The following CNTNAP5 variants were observed in gnomAD, a reference collection of about 807,000 sequenced individuals.
CNTNAP5 encodes the protein contactin associated protein family member 5.
CNTNAP5 carries 72 observed loss-of-function variants against 150.2 expected under a neutral mutation model. The ratio of observed to expected loss-of-function variants is 0.48; its 90% CI spans 0.40 to 0.58. The LOEUF (loss-of-function observed/expected upper bound fraction) is 0.58, where lower values mean the gene tolerates loss of function less well. Among genes scored for constraint, CNTNAP5 ranks in the 20% least tolerant of loss-of-function variants. CNTNAP5 has a pLI of 0.00. For synonymous variants in CNTNAP5, 672 were observed against 619.8 expected, an observed-to-expected ratio of 1.08 and a Z score of -1.25; for missense variants, 1,636 against 1,626.2, an observed-to-expected ratio of 1.01 and a Z score of -0.10.
At chr2:124,423,652 CTT>C (rs1187961580) in intron 4 of CNTNAP5, among the ~76,000 whole-genome samples, 1 of 41,594 alleles carries the variant, frequency 2.4e-5, no homozygotes, top group East Asian at 9.0e-4. Context: ...GGCTAATTAA[CTT>C]TTTTTTTTTT....
chr2:124,143,966 A>G (rs1382755027), intron 1 of CNTNAP5, among the ~76,000 whole-genome samples: 19 of 151,122 alleles, frequency 1.3e-4, no homozygotes, highest in Non-Finnish European at 2.1e-4. Flanking sequence ...AAATCAATGT[A>G]CAAAAATCAC....
chr2:124,027,966 C>CCA (rs1217616650), intron 1 of CNTNAP5, among the ~76,000 whole-genome samples: 8 of 152,112 alleles, frequency 5.3e-5, no homozygotes, highest in Admixed American at 5.2e-4. Context: ...TTTCTACTGA[C>CCA]CACACTCTTT....
intron 14 of CNTNAP5, among the ~76,000 whole-genome samples, chr2:124,759,938 CTTTTTTTTTT>C (rs571408475): frequency 1.2e-5 from 1 of 83,646 alleles, no homozygotes; most frequent in Non-Finnish European, 2.2e-5. Context: ...ACTCCTCGGT[CTTTTTTTTTT>C]TTTTTTTTTT....
At chr2:124,711,873 C>A (rs1679815490) in intron 13 of CNTNAP5, among the ~76,000 whole-genome samples, 1 of 152,182 alleles carries the variant, frequency 6.6e-6, no homozygotes, top group South Asian at 2.1e-4. Flanking sequence ...TATATTTGGA[C>A]AGTTCTAGTA....
rs1357689753 is a variant in CNTNAP5 at position 124,122,121 on chromosome 2, G to C, written c.82+96389G>C. Among the ~76,000 whole-genome samples, 3 of 152,220 alleles carry C rather than the reference G, an allele frequency of 2.0e-5. No homozygotes were observed. In the East Asian group the frequency reaches 5.8e-4, roughly 30 times the overall value. ...CCAGATTCATGGCTCGTTATGCACA[G>C]TGGTCTTATTTCTTCCTGCCACCAT... On this transcript the variant is annotated intron_variant, in intron 1 of 23. Coordinates refer to ENST00000682447, the MANE Select transcript of CNTNAP5 (RefSeq NM_001367498.1).
At chr2:124,124,300 G>A (rs535268587) in intron 1 of CNTNAP5, among the ~76,000 whole-genome samples, 1 of 152,294 alleles carries the variant, frequency 6.6e-6, no homozygotes, top group South Asian at 2.1e-4. Context: ...TCAAGTGGAA[G>A]AAAGGGTATC....
chr2:124,713,326 T>TCCTTC (rs1573567144), intron 13 of CNTNAP5, among the ~76,000 whole-genome samples: 1 of 72,996 alleles, frequency 1.4e-5, no homozygotes, highest in Admixed American at 1.9e-4. Context: ...TTCCTTTCTT[T>TCCTTC]CTTTCTTTCT....
chr2:124,564,941 C>T (rs563925247), intron 11 of CNTNAP5, among the ~76,000 whole-genome samples: 2 of 152,278 alleles, frequency 1.3e-5, no homozygotes, highest in South Asian at 4.1e-4. Context: ...TGAGAACTAT[C>T]GCTCAGGGAC....
chr2:124,253,399 T>C (rs1312113357), intron 3 of CNTNAP5, among the ~76,000 whole-genome samples: 1 of 152,206 alleles, frequency 6.6e-6, no homozygotes, highest in African/African-American at 2.4e-5. Context: ...GATTTCTTCT[T>C]ATCTATAAAT....
chr2:124,469,712 C>G (rs1693458424), intron 6 of CNTNAP5, among the ~76,000 whole-genome samples: 1 of 152,108 alleles, frequency 6.6e-6, no homozygotes, highest in Admixed American at 6.6e-5. Flanking sequence ...AGCTATTCTT[C>G]CTGATGCTCT....
chr2:124,883,241 G>A (rs568326675), intron 21 of CNTNAP5, among the ~76,000 whole-genome samples: 18 of 151,840 alleles, frequency 1.2e-4, no homozygotes, highest in African/African-American at 4.1e-4. Context: ...TTTGTATTTT[G>A]TATAGAGATG....
At chr2:124,408,019 G>T (rs1206154714) in intron 3 of CNTNAP5, among the ~76,000 whole-genome samples, 2 of 152,158 alleles carry the variant, frequency 1.3e-5, no homozygotes, top group Non-Finnish European at 2.9e-5. Flanking sequence ...CAGGTCAGTG[G>T]GTGCGCGCAC....
intron 19 of CNTNAP5, among the ~76,000 whole-genome samples, chr2:124,836,028 A>G (rs1237922703): frequency 2.0e-5 from 3 of 152,262 alleles, no homozygotes; most frequent in Non-Finnish European, 4.4e-5. Flanking sequence ...GCATGCTATT[A>G]GTAGACCATG....
At chr2:124,649,440 T>G (rs1413652219) in intron 13 of CNTNAP5, among the ~76,000 whole-genome samples, 2 of 152,210 alleles carry the variant, frequency 1.3e-5, no homozygotes, top group African/African-American at 4.8e-5. Context: ...TTGTTTCTAG[T>G]TTTTGAAGGT....
rs577913727 is a variant in CNTNAP5, at chr2:124,426,578, G to A, written c.530-7906G>A. Among the ~76,000 whole-genome samples the A allele has an allele frequency of 1.4e-4, 21 of 152,326 alleles. No individual in the cohort carries two copies. In the East Asian group the frequency reaches 1.9e-3, roughly 14 times the overall value. ...GGGACTGATTGTCTCAGGGTGAATC[G>A]ATAGCTTCTCCTGTCAATGTTGAGC... On this transcript the variant is annotated intron_variant, in intron 4 of 23. Transcript: ENST00000682447.
At chr2:124,468,909 T>C (rs978522209) in intron 6 of CNTNAP5, among the ~76,000 whole-genome samples, 2 of 152,204 alleles carry the variant, frequency 1.3e-5, no homozygotes, top group African/African-American at 4.8e-5. Context: ...TGCTAACCTG[T>C]CTTCTCCTCC....
At chr2:124,672,522 C>T (rs1385777110) in intron 13 of CNTNAP5, among the ~76,000 whole-genome samples, 1 of 152,144 alleles carries the variant, frequency 6.6e-6, no homozygotes, top group African/African-American at 2.4e-5. Context: ...ACAGCATGTG[C>T]CTAATACAGG....
At chr2:124,417,163 C>T (rs1221039308) in intron 3 of CNTNAP5, among the ~76,000 whole-genome samples, 2 of 151,992 alleles carry the variant, frequency 1.3e-5, no homozygotes, top group Non-Finnish European at 2.9e-5. Context: ...TGGTCTCAGA[C>T]TCCTGACCTC....
chr2:124,606,375 A>G (rs1411002945), intron 11 of CNTNAP5, among the ~76,000 whole-genome samples: 1 of 152,164 alleles, frequency 6.6e-6, no homozygotes, highest in Non-Finnish European at 1.5e-5. Flanking sequence ...AAGTAAAAAA[A>G]AAATAAGAAG....
Sources: gnomAD v4.1 joint callset for allele counts (sites outside exome capture counted in the v4.1 genomes callset) on GRCh38, gnomAD v4.1.1 for gene constraint, MANE v1.5 for transcripts, NCBI Gene and HGNC (gene_info 2026-07-23, HGNC 2026-07-21) for gene names.